CDKAL1: variants seen among roughly 807,000 people sequenced by gnomAD.
The protein encoded by CDKAL1 is CDKAL1 threonylcarbamoyladenosine tRNA methylthiotransferase, also known as threonylcarbamoyladenosine tRNA methylthiotransferase.
CDKAL1 carries 32 observed loss-of-function variants against 68.2 expected under a neutral mutation model. The observed-to-expected ratio is 0.47, with a 90% CI of 0.35 to 0.63. The LOEUF (loss-of-function observed/expected upper bound fraction) is 0.63, where lower values mean the gene tolerates loss of function less well. Among genes scored for constraint, CDKAL1 ranks in the 30% least tolerant of loss-of-function variants. CDKAL1 has a pLI of 0.00. For missense variants in CDKAL1, 606 were observed against 696.7 expected (o/e 0.87, Z 1.47); for synonymous variants, 234 against 244.3 (o/e 0.96, Z 0.39).
chr6:20,911,990 T>G (rs1762487803), intron 9 of CDKAL1, among the ~76,000 whole-genome samples: 1 of 152,160 alleles, frequency 6.6e-6, no homozygotes, highest in Non-Finnish European at 1.5e-5. Flanking sequence ...CAAAGTCAGA[T>G]GGGATCTGAC....
intron 6 of CDKAL1, among the ~76,000 whole-genome samples, chr6:20,757,221 C>T (rs1774257070): frequency 6.6e-6 from 1 of 152,064 alleles, no homozygotes; most frequent in African/African-American, 2.4e-5. Context: ...AGGCATGAAC[C>T]ACTGTGGCCA....
chr6:21,106,940 C>CTTTT lies in CDKAL1; in HGVS notation c.1237-1445_1237-1442dup, dbSNP rs5874802. ...ATCACAGTGGATGAGGAGAAAGCCACTTTTTTTTTTTTTTTTTTTGAGATG... is the reference window on the plus strand; with the variant it reads ...ATCACAGTGGATGAGGAGAAAGCCACTTTTTTTTTTTTTTTTTTTTTTTGAGATG... On this transcript the variant is annotated intron_variant, in intron 12 of 15. Transcript: ENST00000274695. 2.6e-4 allele frequency among the ~76,000 whole-genome samples: 31 copies of CTTTT among 117,254 alleles called. 1 individual carries two copies. Among genetic ancestry groups the CTTTT allele is most frequent in the African/African-American group, 6.6e-4 (20 of 30,248 alleles). 76.9% of individuals were successfully genotyped at this position (117,254 alleles called of 152,430 possible). A position where few individuals can be genotyped will look rare whatever the true frequency, so the allele number is the denominator to read the frequency against.
At chr6:21,050,399 C>T (rs531895838) in intron 11 of CDKAL1, among the ~76,000 whole-genome samples, 3 of 152,270 alleles carry the variant, frequency 2.0e-5, no homozygotes, top group South Asian at 2.1e-4. Flanking sequence ...TGGCAGTTCC[C>T]GAGCTCTTGT....
At chr6:20,732,421 G>A (rs1772993956) in intron 5 of CDKAL1, among the ~76,000 whole-genome samples, 1 of 149,536 alleles carries the variant, frequency 6.7e-6, no homozygotes, top group Non-Finnish European at 1.5e-5. Context: ...GATTGCAGCT[G>A]TGCACCATGA....
chr6:20,546,557 C>CTT, intron 3 of CDKAL1, 34 bp downstream of exon 3: 1 of 1,555,022 alleles, frequency 6.4e-7, no homozygotes, highest in Non-Finnish European at 8.8e-7. Flanking sequence ...TATTCATTTT[C>CTT]TTTTTTTTTC....
rs574549050 is a variant in CDKAL1 at position 20,697,437 on chromosome 6, G to A, written c.372-42082G>A. Among the ~76,000 whole-genome samples the A allele has an allele frequency of 1.8e-3, 275 of 152,184 alleles. 1 individual carries two copies. The highest frequency in any genetic ancestry group is 3.0e-3 in the Non-Finnish European group (207 of 68,020). On this transcript the variant is annotated intron_variant, in intron 5 of 15. Coordinates refer to ENST00000274695, the MANE Select transcript of CDKAL1 (RefSeq NM_017774.3). The stretch of plus-strand genomic sequence containing the variant: ...TAATGTGATAATTTAGATCAAAAGA[G>A]AAGGCCACTTTTTTTGGGAACATAT...
chr6:20,545,651 G>A (rs1001542365), intron 2 of CDKAL1, among the ~76,000 whole-genome samples: 3 of 152,088 alleles, frequency 2.0e-5, no homozygotes, highest in African/African-American at 7.2e-5. Flanking sequence ...GGCCAGGCTG[G>A]TCTCAAACGC....
At chr6:20,929,741 G>A (rs903199034) in intron 9 of CDKAL1, among the ~76,000 whole-genome samples, 3 of 151,924 alleles carry the variant, frequency 2.0e-5, no homozygotes, top group African/African-American at 7.3e-5. Context: ...CTGCCTCTAC[G>A]GTCAAAGTGT....
intron 9 of CDKAL1, among the ~76,000 whole-genome samples, chr6:20,919,520 A>C (rs1762856425): frequency 6.6e-6 from 1 of 152,084 alleles, no homozygotes; most frequent in East Asian, 1.9e-4. Flanking sequence ...TCCTAATGCT[A>C]TCCCTCCCCT....
chr6:20,743,653 C>T (rs1773549988), intron 6 of CDKAL1, among the ~76,000 whole-genome samples: 1 of 152,144 alleles, frequency 6.6e-6, no homozygotes, highest in African/African-American at 2.4e-5. Context: ...GTCCCACTCT[C>T]TCCTGAAATC....
At chr6:20,771,931 T>C (rs956808285) in intron 7 of CDKAL1, among the ~76,000 whole-genome samples, 3 of 152,196 alleles carry the variant, frequency 2.0e-5, no homozygotes, top group East Asian at 3.9e-4. Context: ...AAACCTCTTT[T>C]CTTTATAAAT....
At chr6:20,947,189 A>G (rs944909983) in intron 9 of CDKAL1, among the ~76,000 whole-genome samples, 3 of 152,220 alleles carry the variant, frequency 2.0e-5, no homozygotes, top group Non-Finnish European at 4.4e-5. Context: ...ATATAATAAT[A>G]TAATAGAAAA....
At chr6:21,140,488 C>T (rs1403057103) in intron 13 of CDKAL1, among the ~76,000 whole-genome samples, 1 of 152,176 alleles carries the variant, frequency 6.6e-6, no homozygotes, top group African/African-American at 2.4e-5. Flanking sequence ...ACTGGTATCA[C>T]TGCATGTTTT....
chr6:20,978,823 G>A (rs1485445596), intron 10 of CDKAL1, among the ~76,000 whole-genome samples: 1 of 152,080 alleles, frequency 6.6e-6, no homozygotes, highest in Non-Finnish European at 1.5e-5. Context: ...AGTGAATGTG[G>A]GATTGCTTTG....
chr6:21,084,199 T>C (rs4421186), intron 12 of CDKAL1, among the ~76,000 whole-genome samples: 66,612 of 151,950 alleles, frequency 0.44, 14,641 homozygotes, highest in East Asian at 0.56. Context: ...GATTTTTCAT[T>C]TCTAATAGAT....
intron 11 of CDKAL1, among the ~76,000 whole-genome samples, chr6:21,049,646 C>T (rs771003574): frequency 1.3e-5 from 2 of 152,076 alleles, no homozygotes; most frequent in Non-Finnish European, 2.9e-5. Context: ...CATAGTGTTA[C>T]AGGATAAAAA....
chr6:21,185,802 A>G (rs1220023933), intron 13 of CDKAL1, among the ~76,000 whole-genome samples: 2 of 152,230 alleles, frequency 1.3e-5, no homozygotes, highest in Non-Finnish European at 2.9e-5. Context: ...CTTTCAAGAA[A>G]GACGTTTTAG....
At chr6:21,224,842 A>G (rs1002885922) in intron 15 of CDKAL1, among the ~76,000 whole-genome samples, 2 of 152,160 alleles carry the variant, frequency 1.3e-5, no homozygotes, top group Admixed American at 6.5e-5. Context: ...ACCCTATTTC[A>G]TATTTATACT....
intron 6 of CDKAL1, among the ~76,000 whole-genome samples, chr6:20,755,093 A>G (rs560957532): frequency 6.6e-6 from 1 of 152,308 alleles, no homozygotes; most frequent in East Asian, 1.9e-4. Context: ...TTATGGTTTC[A>G]TCATGGAATT....
Sources: gnomAD v4.1 joint callset for allele counts (sites outside exome capture counted in the v4.1 genomes callset) on GRCh38, gnomAD v4.1.1 for gene constraint, MANE v1.5 for transcripts, NCBI Gene and HGNC (gene_info 2026-07-23, HGNC 2026-07-21) for gene names.